Variants in TMEM131L observed in about 807,000 individuals in gnomAD.
TMEM131L encodes transmembrane protein 131-like.
A neutral mutation model predicts 192.2 loss-of-function variants in TMEM131L; 54 were observed. The observed-to-expected ratio is 0.28, with a 90% CI of 0.23 to 0.35. TMEM131L has a LOEUF of 0.35. Among genes scored for constraint, TMEM131L ranks in the 10% least tolerant of loss-of-function variants. The pLI is 1.00. For synonymous variants in TMEM131L, 701 were observed against 704.9 expected (o/e 0.99, Z 0.09); for missense variants, 1,888 against 1,972.9 (o/e 0.96, Z 0.82).
rs574821783 is a variant in TMEM131L, at chr4:153,484,689, C to G, written c.239+10801C>G. ...TTCACCATGTTACTCAGGATGGTCTCAATCTCCTGACCTTGTGATCCGCCC... is the reference window on the plus strand; with the variant it reads ...TTCACCATGTTACTCAGGATGGTCTGAATCTCCTGACCTTGTGATCCGCCC... On this transcript the variant is annotated intron_variant, in intron 3 of 34. Transcript: ENST00000409959. Among the ~76,000 whole-genome samples, 209 of 148,568 alleles carry G rather than the reference C, an allele frequency of 1.4e-3. 2 individuals carry two copies. Among genetic ancestry groups the G allele is most frequent in the Admixed American group, 5.0e-3 (74 of 14,928 alleles).
At chr4:153,566,243 C>T (rs896248335) in intron 7 of TMEM131L, among the ~76,000 whole-genome samples, 2 of 151,930 alleles carry the variant, frequency 1.3e-5, no homozygotes, top group East Asian at 3.9e-4. Flanking sequence ...TCACGCCATT[C>T]TCCTGCCTCA....
intron 9 of TMEM131L, 113 bp from the exon 10 acceptor site, chr4:153,583,077 T>C: frequency 1.5e-6 from 1 of 652,552 alleles, no homozygotes; most frequent in Non-Finnish European, 2.8e-6. Flanking sequence ...ACATTTTTTA[T>C]AGAAATGTGT....
intron 2 of TMEM131L, among the ~76,000 whole-genome samples, chr4:153,473,493 A>G (rs962637043): frequency 1.3e-5 from 2 of 152,102 alleles, no homozygotes; most frequent in Admixed American, 6.5e-5. Context: ...CAAGATGACT[A>G]TAAGATTTGC....
chr4:153,583,753 A>C, intron 11 of TMEM131L, 81 bp downstream of exon 11: 1 of 809,040 alleles, frequency 1.2e-6, no homozygotes, highest in Non-Finnish European at 2.0e-6. Flanking sequence ...ACTACAGATT[A>C]GGCATGGTTT....
chr4:153,627,274 G>A (rs569494526), intron 30 of TMEM131L, among the ~76,000 whole-genome samples: 1 of 152,218 alleles, frequency 6.6e-6, no homozygotes, highest in East Asian at 1.9e-4. Context: ...ACTAGGGAAG[G>A]TGAACTACCT....
Position 153,603,995 on chromosome 4 carries a change from G to A in TMEM131L, c.2983G>A (p.Ala995Thr). The part of the protein sequence containing the change: ...YSKHKTSTAA[A>T]SSTSTTTEEK... ...TAAACACAAAACCAGCACAGCTGCG[G>A]CCAGCAGCACCAGCACGACTACTGA... is the stretch of plus-strand genomic sequence containing the variant. Residue 995 changes from alanine to threonine, a missense_variant, in exon 25 of 35, where the codon GCC (alanine) becomes ACC (threonine). Physicochemically the swap from Ala to Thr is moderately conservative, Grantham distance 58. Transcript: ENST00000409959. 2 of 1,614,068 alleles carry A rather than the reference G, an allele frequency of 1.2e-6. No homozygotes were observed. The highest frequency in any genetic ancestry group is 1.7e-6 in the Non-Finnish European group (2 of 1,180,002).
At chr4:153,487,711 TGTGTGTGTGAGA>T (rs1188083166) in intron 3 of TMEM131L, among the ~76,000 whole-genome samples, 1 of 144,560 alleles carries the variant, frequency 6.9e-6, no homozygotes, top group African/African-American at 2.5e-5. Flanking sequence ...TGTGTGTGTG[TGTGTGTGTGAGA>T]GAGAGAGAGA....
At chr4:153,469,752 C>G (rs959076809) in intron 2 of TMEM131L, among the ~76,000 whole-genome samples, 2 of 152,254 alleles carry the variant, frequency 1.3e-5, no homozygotes, top group South Asian at 4.1e-4. Flanking sequence ...CATGGACAAA[C>G]TCTGTCTCTA....
chr4:153,553,382 G>C (rs1333545796), intron 4 of TMEM131L, among the ~76,000 whole-genome samples: 2 of 151,454 alleles, frequency 1.3e-5, no homozygotes, highest in East Asian at 3.9e-4. Context: ...TGATTTCTAA[G>C]AGCACTCATA....
At chr4:153,487,326 C>G (rs529504930) in intron 3 of TMEM131L, among the ~76,000 whole-genome samples, 1 of 152,110 alleles carries the variant, frequency 6.6e-6, no homozygotes, top group Non-Finnish European at 1.5e-5. Flanking sequence ...AGAATCCGTA[C>G]GTATTCTCTT....
intron 25 of TMEM131L, among the ~76,000 whole-genome samples, chr4:153,607,936 AGTATAT>A (rs995031159): frequency 3.3e-5 from 5 of 152,152 alleles, no homozygotes; most frequent in Admixed American, 3.3e-4. Context: ...TACCCAAAGA[AGTATAT>A]GTATATGTAT....
Position 153,583,627 on chromosome 4 carries a change from A to C in TMEM131L, c.1015A>C (p.Thr339Pro). ...GCAGTTTGAACCAGTACTACTACCTACTTCTACAACAAACTTTACAAAAAT... is the reference window on the plus strand; with the variant it reads ...GCAGTTTGAACCAGTACTACTACCTCCTTCTACAACAAACTTTACAAAAAT... ...SLQFEPVLLP[T>P]STTNFTKIAS... The change falls in exon 11 of 35, where the codon ACT (threonine) becomes CCT (proline). Residue 339 changes from threonine (T) to proline (P), a missense_variant. Thr to Pro is a conservative substitution (Grantham distance 38). Coordinates refer to ENST00000409959, the MANE Select transcript of TMEM131L (RefSeq NM_001131007.2). 6.2e-7 allele frequency: 1 copy of C among 1,609,722 alleles called. No homozygotes were observed.
In TMEM131L at chr4:153,596,405, A is replaced by G; in HGVS notation, c.2123+20A>G. 1 of 1,612,034 alleles carries G rather than the reference A, an allele frequency of 6.2e-7. No individual in the cohort carries two copies. The highest frequency in any genetic ancestry group is 1.1e-5 in the South Asian group (1 of 91,012). ...AATCCGGTAGGTGTGTTCCTGTTGT[A>G]GAATCTGTTTCTTTCTCAATGACTC... On this transcript the variant is annotated intron_variant, in intron 20 of 34. Transcript: ENST00000409959.
At chr4:153,525,598 C>A (rs1267245549) in intron 3 of TMEM131L, among the ~76,000 whole-genome samples, 1 of 152,244 alleles carries the variant, frequency 6.6e-6, no homozygotes, top group Non-Finnish European at 1.5e-5. Flanking sequence ...CCTGGGCCTC[C>A]CAAAGTGCTG....
At chr4:153,574,893 T>G (rs561288243) in intron 7 of TMEM131L, among the ~76,000 whole-genome samples, 61 of 152,340 alleles carry the variant, frequency 4.0e-4, no homozygotes, top group African/African-American at 1.2e-3. Context: ...CGGCCGAGAT[T>G]TACTTTTATA....
chr4:153,477,606 A>C (rs912892023), intron 3 of TMEM131L, among the ~76,000 whole-genome samples: 4 of 152,234 alleles, frequency 2.6e-5, no homozygotes, highest in Non-Finnish European at 5.9e-5. Context: ...ATATAAAAAA[A>C]AAATTTTACA....
At chr4:153,490,870 C>T (rs1469899673) in intron 3 of TMEM131L, among the ~76,000 whole-genome samples, 2 of 147,126 alleles carry the variant, frequency 1.4e-5, no homozygotes, top group East Asian at 2.0e-4. Flanking sequence ...AGGAGAATGG[C>T]GTGAACCCGG....
chr4:153,554,282 T>C (rs1164387096), intron 4 of TMEM131L: 1 of 152,202 alleles, frequency 6.6e-6, no homozygotes. Flanking sequence ...GTTGAACATT[T>C]TTTAAAAAAA....
At chr4:153,481,448 T>C (rs909867062) in intron 3 of TMEM131L, among the ~76,000 whole-genome samples, 1 of 152,218 alleles carries the variant, frequency 6.6e-6, no homozygotes, top group African/African-American at 2.4e-5. Flanking sequence ...TTGTTATGTT[T>C]TGCACGTCCT....
Sources: allele counts gnomAD v4.1 joint callset (sites outside exome capture counted in the v4.1 genomes callset), GRCh38; gene constraint gnomAD v4.1.1; transcripts MANE v1.5; gene names NCBI Gene and HGNC (gene_info 2026-07-23, HGNC 2026-07-21).